Variants in PLCB4 observed in about 807,000 individuals in gnomAD.
The protein encoded by PLCB4 is 1-phosphatidylinositol 4,5-bisphosphate phosphodiesterase beta-4.
PLCB4 carries 77 observed loss-of-function variants against 178.8 expected under a neutral mutation model. The ratio of observed to expected loss-of-function variants is 0.43; its 90% CI spans 0.36 to 0.52. The LOEUF is 0.52. Among genes scored for constraint, PLCB4 ranks in the 20% least tolerant of loss-of-function variants. The probability of loss-of-function intolerance (pLI) is 0.00; values close to 1 mark genes in which losing one functional copy is unlikely to be tolerated. For synonymous variants in PLCB4, 496 were observed against 490.8 expected (o/e 1.01, Z -0.14); for missense variants, 1,024 against 1,453.4 (o/e 0.70, Z 4.80).
At chr20:9,143,786 C>A (rs1194550011) in intron 2 of PLCB4, among the ~76,000 whole-genome samples, 1 of 152,096 alleles carries the variant, frequency 6.6e-6, no homozygotes, top group African/African-American at 2.4e-5. Context: ...AATTAAGGAA[C>A]AGCATTGGCA....
intron 7 of PLCB4, among the ~76,000 whole-genome samples, chr20:9,355,223 CCTT>C (rs1408661993): frequency 6.6e-6 from 1 of 152,086 alleles, no homozygotes; most frequent in Non-Finnish European, 1.5e-5. Flanking sequence ...GCCAACTAAA[CCTT>C]CTCCTAATTC....
intron 24 of PLCB4, 94 bp downstream of exon 24, chr20:9,409,275 A>C (rs1488595541): frequency 1.0e-6 from 1 of 1,001,872 alleles, no homozygotes; most frequent in African/African-American, 1.7e-5. Context: ...GGCATTTTTT[A>C]AAGGAAGCAG....
chr20:9,341,210 A>G (rs1457852491), intron 7 of PLCB4, among the ~76,000 whole-genome samples: 1 of 152,098 alleles, frequency 6.6e-6, no homozygotes, highest in Non-Finnish European at 1.5e-5. Context: ...TCTAAGAACC[A>G]CGTTCTGAAA....
chr20:9,401,890 C>T (rs950674847), intron 20 of PLCB4, among the ~76,000 whole-genome samples: 1 of 152,088 alleles, frequency 6.6e-6, no homozygotes, highest in African/African-American at 2.4e-5. Context: ...GACAGCATCC[C>T]AGGGGTAAGA....
intron 3 of PLCB4, among the ~76,000 whole-genome samples, chr20:9,264,778 G>A (rs141508744): frequency 1.7e-4 from 26 of 152,244 alleles, no homozygotes; most frequent in Non-Finnish European, 3.2e-4. Context: ...CTGATTCCTA[G>A]GACCCATCTC....
At chr20:9,092,777 C>A (rs2146580712) in intron 1 of PLCB4, among the ~76,000 whole-genome samples, 1 of 152,244 alleles carries the variant, frequency 6.6e-6, no homozygotes, top group East Asian at 1.9e-4. Flanking sequence ...TGAGATGGCT[C>A]TGCACCACTC....
chr20:9,306,754 T>C (rs1469629123), intron 3 of PLCB4, among the ~76,000 whole-genome samples: 1 of 152,190 alleles, frequency 6.6e-6, no homozygotes, highest in Non-Finnish European at 1.5e-5. Flanking sequence ...AGTTATTGCA[T>C]ACATACCATG....
At chr20:9,426,813 G>A (rs148646945) in intron 28 of PLCB4, among the ~76,000 whole-genome samples, 18 of 151,712 alleles carry the variant, frequency 1.2e-4, no homozygotes, top group African/African-American at 3.9e-4. Context: ...ATTTTATGTC[G>A]GCCATAATTT....
chr20:9,361,494 G>A (rs2035325353), intron 7 of PLCB4, among the ~76,000 whole-genome samples: 1 of 152,124 alleles, frequency 6.6e-6, no homozygotes, highest in Admixed American at 6.6e-5. Context: ...AGGGGGAGAT[G>A]GGGAGTTATT....
At chr20:9,165,793 T>TTGTG (rs3036061) in intron 2 of PLCB4, among the ~76,000 whole-genome samples, 13,843 of 139,646 alleles carry the variant, frequency 0.099, 707 homozygotes, top group East Asian at 0.14. Context: ...CTGGGGCTGT[T>TTGTG]TGTGTGTGTG....
intron 3 of PLCB4, among the ~76,000 whole-genome samples, chr20:9,219,655 C>G (rs983614072): frequency 2.0e-5 from 3 of 152,148 alleles, no homozygotes; most frequent in Admixed American, 6.6e-5. Context: ...TCCCTCCATC[C>G]TCTCCTAAAA....
chr20:9,138,303 TA>T (rs1427078713), intron 2 of PLCB4, among the ~76,000 whole-genome samples: 1 of 152,058 alleles, frequency 6.6e-6, no homozygotes. Flanking sequence ...CATCATCACT[TA>T]AAATAATATA....
chr20:9,235,968 A>G (rs773168774), intron 3 of PLCB4, among the ~76,000 whole-genome samples: 1 of 152,158 alleles, frequency 6.6e-6, no homozygotes, highest in Non-Finnish European at 1.5e-5. Flanking sequence ...GTTTGTTTAT[A>G]AGAGTTGTGC....
chr20:9,131,917 A>G (rs901843367), intron 2 of PLCB4, among the ~76,000 whole-genome samples: 1 of 152,164 alleles, frequency 6.6e-6, no homozygotes, highest in Non-Finnish European at 1.5e-5. Context: ...GGACTAGACT[A>G]TTAAGTGATT....
intron 33 of PLCB4, among the ~76,000 whole-genome samples, chr20:9,457,177 A>G (rs2122383667): frequency 6.6e-6 from 1 of 152,334 alleles, no homozygotes; most frequent in African/African-American, 2.4e-5. Context: ...CTTAATGATG[A>G]AATAATTGTT....
At chr20:9,092,933 G>A (rs918228719) in intron 1 of PLCB4, among the ~76,000 whole-genome samples, 2 of 152,048 alleles carry the variant, frequency 1.3e-5, no homozygotes, top group Non-Finnish European at 2.9e-5. Flanking sequence ...AAAGCAAATC[G>A]TTTCAGCTTA....
chr20:9,390,031 A>G lies in PLCB4; in HGVS notation c.1238+73A>G, dbSNP rs1270846894. On this transcript the variant is annotated intron_variant, in intron 16 of 39. Coordinates refer to ENST00000378473, the MANE Select transcript of PLCB4 (RefSeq NM_001377142.1). ...AACCCCTAATGCCCACTCCTGCTCT[A>G]CAACTTTTTAAATAGCTGAATAGTT... 1.6e-5 allele frequency: 12 copies of G among 767,992 alleles called. No individual in the cohort carries two copies. The Admixed American group carries it at 1.7e-4, about 11-fold the overall frequency. 47.6% of individuals were successfully genotyped at this position (767,992 alleles called of 1,614,324 possible).
At chr20:9,215,763 G>A (rs1161945412) in intron 2 of PLCB4, among the ~76,000 whole-genome samples, 1 of 152,188 alleles carries the variant, frequency 6.6e-6, no homozygotes, top group African/African-American at 2.4e-5. Context: ...GCTAGAGGTA[G>A]CCACACTCAG....
At chr20:9,332,017 C>T (rs549454355) in intron 4 of PLCB4, among the ~76,000 whole-genome samples, 5 of 152,200 alleles carry the variant, frequency 3.3e-5, no homozygotes, top group African/African-American at 4.8e-5. Flanking sequence ...GATGAGCTAA[C>T]GTGTCCTTGA....
Sources: allele counts gnomAD v4.1 joint callset (sites outside exome capture counted in the v4.1 genomes callset), GRCh38; gene constraint gnomAD v4.1.1; transcripts MANE v1.5; gene names NCBI Gene and HGNC (gene_info 2026-07-23, HGNC 2026-07-21).